The following SSH2 variants were observed in gnomAD, a reference collection of about 807,000 sequenced individuals.
SSH2 encodes the protein protein phosphatase Slingshot homolog 2.
A neutral mutation model predicts 135.2 loss-of-function variants in SSH2; 37 were observed. The ratio of observed to expected loss-of-function variants is 0.27; its 90% CI spans 0.21 to 0.36. SSH2 has a LOEUF of 0.36. Ranked by LOEUF, SSH2 falls within the 10% of genes least tolerant of loss-of-function variation. SSH2 has a pLI of 1.00. For synonymous variants in SSH2, 628 were observed against 646.2 expected, an observed-to-expected ratio of 0.97 and a Z score of 0.43; for missense variants, 1,408 against 1,765.3, an observed-to-expected ratio of 0.80 and a Z score of 3.63.
At chr17:29,710,647 C>T (rs926973544) in intron 3 of SSH2, among the ~76,000 whole-genome samples, 11 of 152,322 alleles carry the variant, frequency 7.2e-5, no homozygotes, top group Admixed American at 2.0e-4. Flanking sequence ...GGTGTGACCA[C>T]ACCACAGACA....
intron 3 of SSH2, among the ~76,000 whole-genome samples, chr17:29,781,714 G>A (rs903283561): frequency 2.6e-5 from 4 of 151,192 alleles, no homozygotes; most frequent in South Asian, 2.1e-4. Context: ...TCTTGACCTC[G>A]TGATCCGCCT....
intron 3 of SSH2, among the ~76,000 whole-genome samples, chr17:29,771,006 T>G (rs1439767319): frequency 6.6e-6 from 1 of 152,206 alleles, no homozygotes; most frequent in African/African-American, 2.4e-5. Context: ...ATGAGGAAAC[T>G]AAGGCTCTGA....
chr17:29,664,299 G>A (rs2037179580), intron 11 of SSH2, among the ~76,000 whole-genome samples: 1 of 151,876 alleles, frequency 6.6e-6, no homozygotes, highest in Admixed American at 6.6e-5. Context: ...TGTGAACCTG[G>A]GAGGTGGAGG....
At chr17:29,756,230 T>C (rs2041116094) in intron 3 of SSH2, among the ~76,000 whole-genome samples, 1 of 144,138 alleles carries the variant, frequency 6.9e-6, no homozygotes, top group African/African-American at 2.6e-5. Context: ...CCCAGATCAC[T>C]CCAGCCTGGG....
At chr17:29,898,184 C>A (rs963463718) in intron 1 of SSH2, among the ~76,000 whole-genome samples, 3 of 151,972 alleles carry the variant, frequency 2.0e-5, no homozygotes, top group Non-Finnish European at 4.4e-5. Flanking sequence ...CAGGAAAGAT[C>A]TAAAATTGAC....
intron 5 of SSH2, among the ~76,000 whole-genome samples, chr17:29,694,427 TTGGGAGGCCAAGG>T (rs1283591135): frequency 6.6e-6 from 1 of 152,170 alleles, no homozygotes; most frequent in Admixed American, 6.5e-5. Flanking sequence ...TCCCAGCACT[TTGGGAGGCCAAGG>T]TGGGTGGATC....
chr17:29,647,894 C>T, intron 14 of SSH2: 1 of 413,102 alleles, frequency 2.4e-6, no homozygotes, highest in East Asian at 5.0e-5. Context: ...AACTCCTGAC[C>T]TCAAATGATC....
rs568949929 is a variant in SSH2, at chr17:29,651,878, C to T, written c.1080-1078G>A. Among the ~76,000 whole-genome samples the T allele has an allele frequency of 2.0e-3, 307 of 152,218 alleles. 1 individual carries two copies. Among genetic ancestry groups the T allele is most frequent in the African/African-American group, 7.3e-3 (302 of 41,532 alleles). The stretch of plus-strand genomic sequence containing the variant: ...GCGAGCTTGGCCAGGCGCAGTGGCT[C>T]ACGCCTGTAATCCCAGCACTCTGGG... On this transcript the variant is annotated intron_variant, in intron 12 of 15. Transcript: ENST00000540801.
chr17:29,902,011 T>C (rs918649394), intron 1 of SSH2, among the ~76,000 whole-genome samples: 2 of 152,066 alleles, frequency 1.3e-5, no homozygotes, highest in Non-Finnish European at 2.9e-5. Flanking sequence ...GGTCTTGAAC[T>C]CCTGGCCTCA....
At chr17:29,652,990 C>T (rs2036638572) in intron 12 of SSH2, among the ~76,000 whole-genome samples, 1 of 152,112 alleles carries the variant, frequency 6.6e-6, no homozygotes, top group Admixed American at 6.6e-5. Context: ...TGAACAATCT[C>T]CCACCTCTAA....
chr17:29,653,937 C>T (rs1166055439), intron 12 of SSH2, among the ~76,000 whole-genome samples: 1 of 152,158 alleles, frequency 6.6e-6, no homozygotes, highest in Non-Finnish European at 1.5e-5. Flanking sequence ...TTGTAAAAAA[C>T]ATTGTCCCAC....
chr17:29,793,966 T>A, intron 2 of SSH2, 29 bp from the exon 3 acceptor site: 9 of 1,541,074 alleles, frequency 5.8e-6, no homozygotes, highest in East Asian at 2.3e-5. Context: ...AAAAAAAAAA[T>A]TAAAACCTGA....
In SSH2 at chr17:29,930,060, G is replaced by C. The variant is rs2067159490; in HGVS notation, c.-60C>G. 6.8e-7 allele frequency: 1 copy of C among 1,465,610 alleles called. No homozygotes were observed. The highest frequency in any genetic ancestry group is 9.3e-7 in the Non-Finnish European group (1 of 1,072,218). 90.8% of individuals were successfully genotyped at this position (1,465,610 alleles called of 1,614,324 possible). On this transcript the variant is annotated 5_prime_UTR_variant, in exon 1 of 16. Coordinates refer to ENST00000540801, the MANE Select transcript of SSH2 (RefSeq NM_001282129.2). ...CTTGTCCTGAGTGTGGGGGACGGGA[G>C]GGTGACGGAGCCGGGATGGGGAAAG...
chr17:29,894,767 A>G (rs2066412432), intron 1 of SSH2, among the ~76,000 whole-genome samples: 2 of 151,978 alleles, frequency 1.3e-5, no homozygotes, highest in African/African-American at 4.8e-5. Flanking sequence ...CAATCTACCT[A>G]GATGCCTAAA....
At chr17:29,650,550 T>C (rs2036545460) in intron 13 of SSH2, 104 bp downstream of exon 13, 2 of 1,134,424 alleles carry the variant, frequency 1.8e-6, no homozygotes, top group Non-Finnish European at 2.4e-6. Flanking sequence ...TAGTTCCTTT[T>C]TCCTGAGTAC....
intron 3 of SSH2, among the ~76,000 whole-genome samples, chr17:29,725,188 A>G (rs2039958600): frequency 6.6e-6 from 1 of 151,720 alleles, no homozygotes; most frequent in Non-Finnish European, 1.5e-5. Flanking sequence ...TCTACTAAAA[A>G]TACAAAAAAT....
chr17:29,754,690 A>G (rs945331022), intron 3 of SSH2, among the ~76,000 whole-genome samples: 1 of 152,130 alleles, frequency 6.6e-6, no homozygotes, highest in Admixed American at 6.5e-5. Flanking sequence ...TTTTTGAGAC[A>G]GGGTTTTGCT....
chr17:29,785,006 AT>A (rs1188463206), intron 3 of SSH2, among the ~76,000 whole-genome samples: 8 of 151,944 alleles, frequency 5.3e-5, no homozygotes, highest in Non-Finnish European at 1.0e-4. Context: ...ATTTTGCTTC[AT>A]TTTTCCCTTA....
chr17:29,886,125 G>C (rs2066233782), intron 1 of SSH2, among the ~76,000 whole-genome samples: 1 of 152,030 alleles, frequency 6.6e-6, no homozygotes, highest in South Asian at 2.1e-4. Context: ...ATGTGGGAAA[G>C]TTTGGAACTT....
Sources: gnomAD v4.1 joint callset for allele counts (sites outside exome capture counted in the v4.1 genomes callset) on GRCh38, gnomAD v4.1.1 for gene constraint, MANE v1.5 for transcripts, NCBI Gene and HGNC (gene_info 2026-07-23, HGNC 2026-07-21) for gene names.